The following AGRN variants were observed in gnomAD, a reference collection of about 807,000 sequenced individuals.
AGRN encodes the protein agrin.
AGRN carries 106 observed loss-of-function variants against 211.0 expected under a neutral mutation model. That is an observed-to-expected ratio of 0.50 (90% CI 0.43 to 0.59). The LOEUF is 0.59. Ranked by LOEUF, AGRN falls within the 20% of genes least tolerant of loss-of-function variation. AGRN has a pLI of 0.00. For missense variants in AGRN, 3,040 were observed against 2,982.6 expected, an observed-to-expected ratio of 1.02 and a Z score of -0.45; for synonymous variants, 1,525 against 1,332.5, an observed-to-expected ratio of 1.14 and a Z score of -3.15.
In AGRN at chr1:1,050,490, C is replaced by T. The variant is rs368498050; in HGVS notation, c.5040C>T (p.Asn1680=). The change falls in exon 29 of 36, where the codon AAC becomes AAT. Residue 1680 remains asparagine, a synonymous_variant. Transcript: ENST00000379370. ...GCCCCAGCGGCCTCCTGCTCTACAACGGGCAGAAGACGGACGGCAAGGGGG... is the reference window on the plus strand; with the variant it reads ...GCCCCAGCGGCCTCCTGCTCTACAATGGGCAGAAGACGGACGGCAAGGGGG... ...ARGPSGLLLY[N]GQKTDGKGDF... 14 of 1,612,898 alleles carry T rather than the reference C, an allele frequency of 8.7e-6. No homozygotes were observed. In the East Asian group the frequency reaches 8.9e-5, roughly 10 times the overall value.
intron 2 of AGRN, among the ~76,000 whole-genome samples, chr1:1,025,847 T>C (rs1644509691): frequency 6.7e-6 from 1 of 150,272 alleles, no homozygotes; most frequent in Non-Finnish European, 1.5e-5. Context: ...GGGAGGGGGG[T>C]CTGCCGGGTG....
chr1:1,050,154 T>A, intron 27 of AGRN, 79 bp from the exon 28 acceptor site: 1 of 1,595,504 alleles, frequency 6.3e-7, no homozygotes, highest in African/African-American at 1.3e-5. Context: ...GGGTTTTGAG[T>A]TAGGATCCAC....
intron 7 of AGRN, 114 bp from the exon 8 acceptor site, chr1:1,043,123 TTC>T (rs1644990301): frequency 6.8e-6 from 8 of 1,185,024 alleles, no homozygotes; most frequent in Non-Finnish European, 7.2e-6. Flanking sequence ...TTCTCCTGTG[TTC>T]TCTCTTCCTC....
Position 1,047,612 on chromosome 1 carries a change from T to A in AGRN, c.3556T>A (p.Phe1186Ile). 1 of 1,613,006 alleles carries A rather than the reference T, an allele frequency of 6.2e-7. No homozygotes were observed. The highest frequency in any genetic ancestry group is 8.5e-7 in the Non-Finnish European group (1 of 1,180,018). Residue 1186 changes from phenylalanine (F) to isoleucine (I), a missense_variant, in exon 21 of 36, where the codon TTT (phenylalanine) becomes ATT (isoleucine). Physicochemically the swap from Phe to Ile is conservative, Grantham distance 21. Transcript: ENST00000379370. ...CCGGAATTCAGACGTCAAGAAGGAT[T>A]TTCGGAGTGTCCGCTTGCGGGACCT... ...LFRNSDVKKD[F>I]RSVRLRDLGP...
Position 1,020,163 on chromosome 1 carries a change from C to T in AGRN, c.-10C>T. 1 of 1,316,888 alleles carries T rather than the reference C, an allele frequency of 7.6e-7. No individual in the cohort carries two copies. The highest frequency in any genetic ancestry group is 9.7e-7 in the Non-Finnish European group (1 of 1,028,620). The allele number at this position is 1,316,888 out of a possible 1,614,324, so 81.6% of individuals were successfully genotyped here. ...GCCCGCGCGCTCCTCCGCCGCCTCT[C>T]GCCTGCGCCATGGCCGGCCGGTCCC... is the stretch of plus-strand genomic sequence containing the variant. On this transcript the variant is annotated 5_prime_UTR_variant, in exon 1 of 36. Coordinates refer to ENST00000379370, the MANE Select transcript of AGRN (RefSeq NM_198576.4).
intron 2 of AGRN, among the ~76,000 whole-genome samples, chr1:1,030,091 T>A: frequency 9.6e-6 from 1 of 104,320 alleles, no homozygotes. Context: ...CCTGGTGCTG[T>A]GAGATCAGCA....
rs774612575 is a variant in AGRN, at chr1:1,051,754, G to A, written c.5590G>A (p.Val1864Met). 8.1e-6 allele frequency: 13 copies of A among 1,613,766 alleles called. No homozygotes were observed. The highest frequency in any genetic ancestry group is 3.3e-5 in the Admixed American group (2 of 60,010). The change falls in exon 33 of 36, where the codon GTG becomes ATG. Residue 1864 changes from valine to methionine, a missense_variant. Physicochemically the swap from Val to Met is conservative, Grantham distance 21. Coordinates refer to ENST00000379370, the MANE Select transcript of AGRN (RefSeq NM_198576.4). Reference protein sequence around the residue: ...KGLVEKSAGDVDTLAFDGRTF... With the variant: ...KGLVEKSAGDMDTLAFDGRTF... ...GCTGGTGGAGAAGTCAGCGGGGGAC[G>A]TGGATACCTTGGCCTTTGACGGGCG...
chr1:1,053,234 CAA>C, intron 33 of AGRN: 1 of 316,222 alleles, frequency 3.2e-6, no homozygotes, highest in Non-Finnish European at 5.8e-6. Context: ...TCTGTGCCCT[CAA>C]GTGTCTCGTG....
At chr1:1,051,013 C>A in intron 30 of AGRN, 176 bp downstream of exon 30, 1 of 1,549,628 alleles carries the variant, frequency 6.5e-7, no homozygotes. Context: ...TGCAACCCCA[C>A]CCGCTCTTCG....
intron 2 of AGRN, among the ~76,000 whole-genome samples, chr1:1,029,791 GTGTA>G (rs200540735): frequency 6.0e-5 from 6 of 100,002 alleles, no homozygotes; most frequent in Non-Finnish European, 1.1e-4. Flanking sequence ...GATCGTGTGT[GTGTA>G]TGCAGTGCAT....
chr1:1,042,231 A>T, intron 7 of AGRN, 69 bp downstream of exon 7: 1 of 1,499,400 alleles, frequency 6.7e-7, no homozygotes, highest in Non-Finnish European at 9.0e-7. Context: ...TGGACATCAC[A>T]TGCCATCTTC....
rs1644908899 is a variant in AGRN, at chr1:1,040,793, G to A, written c.640G>A (p.Ala214Thr). Residue 214 changes from alanine (A) to threonine (T), a missense_variant, in exon 4 of 36, where the codon GCC (alanine) becomes ACC (threonine). Coordinates refer to ENST00000379370, the MANE Select transcript of AGRN (RefSeq NM_198576.4). ...GGTGGCGCCTGTGTGTGGGTCGGAC[G>A]CCTCCACCTACAGCAACGAATGCGA... ...SVVAPVCGSD[A>T]STYSNECELQ... 1 of 1,539,742 alleles carries A rather than the reference G, an allele frequency of 6.5e-7. No individual in the cohort carries two copies. The highest frequency in any genetic ancestry group is 1.2e-5 in the South Asian group (1 of 84,164).
In AGRN at chr1:1,041,504, C is replaced by T. The variant is rs769352074; in HGVS notation, c.979C>T (p.Pro327Ser). 107 of 1,598,278 alleles carry T rather than the reference C, an allele frequency of 6.7e-5. No individual in the cohort carries two copies. Among genetic ancestry groups the T allele is most frequent in the Non-Finnish European group, 8.7e-5 (102 of 1,178,200 alleles). Residue 327 changes from proline (P) to serine (S), a missense_variant, in exon 6 of 36, where the codon CCG becomes TCG. Pro to Ser is a moderately conservative substitution (Grantham distance 74). Coordinates refer to ENST00000379370, the MANE Select transcript of AGRN (RefSeq NM_198576.4). ...CCCCTGTCAGGGCGCCCTCCCTGAC[C>T]CGAGCCGCAGCTGCCGTGTGAACCC... ...CDPCQGALPD[P>S]SRSCRVNPRT...
intron 2 of AGRN, among the ~76,000 whole-genome samples, chr1:1,026,929 T>C (rs892760700): frequency 6.6e-6 from 1 of 152,186 alleles, no homozygotes; most frequent in African/African-American, 2.4e-5. Flanking sequence ...AGCAGTCCTG[T>C]GCGCCCCTCA....
chr1:1,044,764 C>G (rs1336226120), intron 12 of AGRN, among the ~76,000 whole-genome samples: 2 of 152,138 alleles, frequency 1.3e-5, no homozygotes, highest in Admixed American at 6.5e-5. Flanking sequence ...AAAAGTGGTG[C>G]CCGGTGTGTG....
intron 7 of AGRN, among the ~76,000 whole-genome samples, chr1:1,042,769 G>GT (rs1557703410): frequency 1.3e-5 from 2 of 152,056 alleles, no homozygotes; most frequent in African/African-American, 4.8e-5. Flanking sequence ...GGTGCGGCAG[G>GT]GGGGGTGGCT....
rs140892896 is a variant in AGRN, at chr1:1,053,844, C to T, written c.5743C>T (p.Arg1915Trp). The change falls in exon 34 of 36, where the codon CGG (arginine) becomes TGG (tryptophan). Residue 1915 changes from arginine (R) to tryptophan (W), a missense_variant. By Grantham distance (101) the Arg-to-Trp change is moderately radical. Coordinates refer to ENST00000379370, the MANE Select transcript of AGRN (RefSeq NM_198576.4). ...LVLWSGKATE[R>W]ADYVALAIVD... ...GCTCTGGAGTGGCAAGGCCACGGAG[C>T]GGGCAGACTATGTGGCACTGGCCAT... 65 of 1,610,502 alleles carry T rather than the reference C, an allele frequency of 4.0e-5. No individual in the cohort carries two copies. The highest frequency in any genetic ancestry group is 3.1e-4 in the South Asian group (28 of 90,396).
At chr1:1,050,139 A>C in intron 27 of AGRN, 94 bp from the exon 28 acceptor site, 1 of 1,591,126 alleles carries the variant, frequency 6.3e-7, no homozygotes, top group Non-Finnish European at 8.6e-7. Context: ...GGCTCAGTCT[A>C]GTCTGGGTTT....
At chr1:1,051,402 C>A in intron 31 of AGRN, 33 bp downstream of exon 31, 1 of 1,545,926 alleles carries the variant, frequency 6.5e-7, no homozygotes, top group South Asian at 1.2e-5. Flanking sequence ...AGCAGGGCCT[C>A]CGGGGCGGGC....
Sources: allele counts gnomAD v4.1 joint callset (sites outside exome capture counted in the v4.1 genomes callset), GRCh38; gene constraint gnomAD v4.1.1; transcripts MANE v1.5; gene names NCBI Gene and HGNC (gene_info 2026-07-23, HGNC 2026-07-21).